MACROD2: variants seen among roughly 807,000 people sequenced by gnomAD.
MACROD2 encodes the protein ADP-ribose glycohydrolase MACROD2.
In MACROD2, 36 loss-of-function variants were observed where a neutral mutation model predicts 70.4. The observed-to-expected ratio is 0.51, with a 90% CI of 0.39 to 0.68. MACROD2 has a LOEUF of 0.68. Among genes scored for constraint, MACROD2 ranks in the 30% least tolerant of loss-of-function variants. The probability of loss-of-function intolerance (pLI) is 0.00; values close to 1 mark genes in which losing one functional copy is unlikely to be tolerated. For synonymous variants in MACROD2, 172 were observed against 178.8 expected (o/e 0.96, Z 0.30); for missense variants, 496 against 538.4 (o/e 0.92, Z 0.78).
intron 2 of MACROD2, among the ~76,000 whole-genome samples, chr20:14,010,508 T>C (rs1160201607): frequency 2.6e-5 from 4 of 152,198 alleles, no homozygotes; most frequent in Admixed American, 2.6e-4. Flanking sequence ...AAATGTATGG[T>C]ACCAATGCTT....
At chr20:15,859,759 C>CTT (rs10710498) in intron 8 of MACROD2, among the ~76,000 whole-genome samples, 6 of 143,824 alleles carry the variant, frequency 4.2e-5, no homozygotes, top group Non-Finnish European at 6.1e-5. Context: ...CATCCCCGCG[C>CTT]TTTTTTTTTT....
intron 5 of MACROD2, among the ~76,000 whole-genome samples, chr20:14,810,424 T>C (rs1568808812): frequency 1.3e-5 from 2 of 152,096 alleles, no homozygotes; most frequent in African/African-American, 2.4e-5. Flanking sequence ...AAACTAGATA[T>C]TGATGGAATG....
At chr20:14,157,027 G>A (rs2055112956) in intron 3 of MACROD2, among the ~76,000 whole-genome samples, 1 of 152,122 alleles carries the variant, frequency 6.6e-6, no homozygotes, top group African/African-American at 2.4e-5. Flanking sequence ...ATTAATTTAT[G>A]CTGCTTTATG....
intron 5 of MACROD2, among the ~76,000 whole-genome samples, chr20:14,719,854 C>T (rs942218562): frequency 6.6e-6 from 1 of 152,166 alleles, no homozygotes; most frequent in Non-Finnish European, 1.5e-5. Flanking sequence ...CAATCTTCAG[C>T]CAAGTCCCAC....
At chr20:15,665,021 CA>C (rs934579362) in intron 8 of MACROD2, among the ~76,000 whole-genome samples, 1 of 152,044 alleles carries the variant, frequency 6.6e-6, no homozygotes, top group African/African-American at 2.4e-5. Context: ...AGTTGGATTG[CA>C]TAATGATAAA....
At chr20:14,313,801 C>T (rs2082589018) in intron 3 of MACROD2, among the ~76,000 whole-genome samples, 2 of 152,270 alleles carry the variant, frequency 1.3e-5, no homozygotes, top group South Asian at 4.1e-4. Context: ...CATACATGGA[C>T]AACCAGTGAA....
chr20:15,124,272 A>G (rs1018195599), intron 5 of MACROD2, among the ~76,000 whole-genome samples: 1 of 151,864 alleles, frequency 6.6e-6, no homozygotes, highest in Non-Finnish European at 1.5e-5. Context: ...ATTTTATACT[A>G]TAGGAAAGTA....
intron 3 of MACROD2, among the ~76,000 whole-genome samples, chr20:14,124,221 G>A (rs2054618574): frequency 6.6e-6 from 1 of 152,066 alleles, no homozygotes; most frequent in Non-Finnish European, 1.5e-5. Context: ...CTTGAAATTG[G>A]TGTCAAACTG....
chr20:15,597,369 G>A (rs1268814580), intron 8 of MACROD2, among the ~76,000 whole-genome samples: 1 of 152,232 alleles, frequency 6.6e-6, no homozygotes, highest in Non-Finnish European at 1.5e-5. Context: ...TCATTGCTCT[G>A]TTAGGATTGG....
chr20:14,153,088 A>G (rs985678169), intron 3 of MACROD2, among the ~76,000 whole-genome samples: 7 of 152,208 alleles, frequency 4.6e-5, no homozygotes, highest in African/African-American at 9.6e-5. Context: ...ATTGAAATGT[A>G]CTGCTAAGGT....
At chr20:14,847,542 G>A (rs1159177635) in intron 5 of MACROD2, among the ~76,000 whole-genome samples, 7 of 142,060 alleles carry the variant, frequency 4.9e-5, no homozygotes, top group African/African-American at 1.9e-4. Context: ...ACACACAGAA[G>A]CATAATGTTG....
rs550706703 is a variant in MACROD2 at position 14,380,933 on chromosome 20, C to T, written c.272-112546C>T. 3.3e-5 allele frequency among the ~76,000 whole-genome samples: 5 copies of T among 152,184 alleles called. No homozygotes were observed. The East Asian group carries it at 9.6e-4, about 29-fold the overall frequency. The stretch of plus-strand genomic sequence containing the variant: ...TTATGCTTTTGTACTTATCAGTATT[C>T]AGTATTTATTTGTCCAGGCTTGTAT... On this transcript the variant is annotated intron_variant, in intron 3 of 17. Coordinates refer to ENST00000684519, the MANE Select transcript of MACROD2 (RefSeq NM_001351661.2).
At chr20:15,167,306 A>G (rs1466461834) in intron 5 of MACROD2, among the ~76,000 whole-genome samples, 1 of 152,172 alleles carries the variant, frequency 6.6e-6, no homozygotes, top group African/African-American at 2.4e-5. Context: ...TGCTCTTTTA[A>G]TCATCCTAGC....
intron 5 of MACROD2, among the ~76,000 whole-genome samples, chr20:14,807,644 T>C (rs2072655854): frequency 6.6e-6 from 1 of 152,090 alleles, no homozygotes; most frequent in Non-Finnish European, 1.5e-5. Context: ...CAAATTCCTC[T>C]GAGCTAAAGG....
At chr20:14,676,518 T>C (rs2070863596) in intron 4 of MACROD2, among the ~76,000 whole-genome samples, 1 of 152,114 alleles carries the variant, frequency 6.6e-6, no homozygotes, top group Admixed American at 6.5e-5. Flanking sequence ...TTGAAACCAA[T>C]GAGAACAAAG....
At chr20:14,975,335 G>A (rs551119218) in intron 5 of MACROD2, among the ~76,000 whole-genome samples, 5 of 152,176 alleles carry the variant, frequency 3.3e-5, no homozygotes, top group East Asian at 1.9e-4. Context: ...CCCACAGTGC[G>A]TATCCATAGA....
intron 3 of MACROD2, among the ~76,000 whole-genome samples, chr20:14,171,730 A>T (rs2081222345): frequency 6.6e-6 from 1 of 152,000 alleles, no homozygotes; most frequent in African/African-American, 2.4e-5. Flanking sequence ...AATTTTCTTT[A>T]TTGAGACTCG....
At chr20:14,029,294 TAG>T (rs914724060) in intron 2 of MACROD2, among the ~76,000 whole-genome samples, 3 of 152,156 alleles carry the variant, frequency 2.0e-5, no homozygotes, top group African/African-American at 7.2e-5. Flanking sequence ...GTTAACATGT[TAG>T]GGGAAAAAAC....
intron 3 of MACROD2, among the ~76,000 whole-genome samples, chr20:14,140,188 C>T (rs1420554194): frequency 6.6e-6 from 1 of 152,114 alleles, no homozygotes; most frequent in Non-Finnish European, 1.5e-5. Context: ...TGACATGATT[C>T]ATGCAAAGTG....
Sources: allele counts gnomAD v4.1 joint callset (sites outside exome capture counted in the v4.1 genomes callset), GRCh38; gene constraint gnomAD v4.1.1; transcripts MANE v1.5; gene names NCBI Gene and HGNC (gene_info 2026-07-23, HGNC 2026-07-21).